PRH1: variants seen among roughly 807,000 people sequenced by gnomAD.
The protein encoded by PRH1 is proline rich protein HaeIII subfamily 1, also known as salivary acidic proline-rich phosphoprotein 1/2.
Under a neutral mutation model 7.9 loss-of-function variants are expected in PRH1, and 7 were observed. That is an observed-to-expected ratio of 0.89 (90% confidence interval 0.50 to 1.67). The LOEUF (loss-of-function observed/expected upper bound fraction) is 1.67. Among genes scored for constraint, PRH1 ranks in the 40% most tolerant of loss-of-function variants. The pLI is 0.00. For missense variants in PRH1, 109 were observed against 223.6 expected, an observed-to-expected ratio of 0.49 and a Z score of 3.27; for synonymous variants, 45 against 80.8, an observed-to-expected ratio of 0.56 and a Z score of 2.38.
chr12:11,073,047 C>A (rs1944145608), intron 1 of PRH1, among the ~76,000 whole-genome samples: 1 of 147,798 alleles, frequency 6.8e-6, no homozygotes, highest in South Asian at 2.1e-4. Flanking sequence ...AGAGATACAC[C>A]TGATAATATT....
intron 1 of PRH1, among the ~76,000 whole-genome samples, chr12:11,054,588 A>G (rs1484213160): frequency 6.6e-6 from 1 of 152,126 alleles, no homozygotes; most frequent in Non-Finnish European, 1.5e-5. Context: ...CATGCATGGT[A>G]TAATCTTTGA....
chr12:10,884,064 T>G, intron 1 of PRH1, 90 bp downstream of exon 1: 5 of 1,509,502 alleles, frequency 3.3e-6, no homozygotes, highest in Non-Finnish European at 4.6e-6. Flanking sequence ...TGTTTTCTCA[T>G]CCTCCTCTCT....
chr12:10,923,397 G>A (rs1950080075), intron 2 of PRH1, among the ~76,000 whole-genome samples: 1 of 152,158 alleles, frequency 6.6e-6, no homozygotes, highest in Non-Finnish European at 1.5e-5. Flanking sequence ...CCAAAGTGCT[G>A]GAATTACAGG....
At chr12:11,101,244 T>C (rs1945238346) in intron 1 of PRH1, among the ~76,000 whole-genome samples, 1 of 152,182 alleles carries the variant, frequency 6.6e-6, no homozygotes, top group East Asian at 1.9e-4. Flanking sequence ...ATCCCATCAT[T>C]TGGGAGGCTG....
intron 1 of PRH1, among the ~76,000 whole-genome samples, chr12:11,089,589 G>T (rs541279259): frequency 0.058 from 4,485 of 77,470 alleles, 208 homozygotes; most frequent in Non-Finnish European, 0.084. Context: ...TCTTGAATTT[G>T]ACTTCTAAAT....
At chr12:11,044,198 A>G (rs1942828063) in intron 1 of PRH1, among the ~76,000 whole-genome samples, 1 of 152,188 alleles carries the variant, frequency 6.6e-6, no homozygotes, top group Non-Finnish European at 1.5e-5. Flanking sequence ...GGAAAAAGAC[A>G]GTCTCTTCAA....
intron 1 of PRH1, among the ~76,000 whole-genome samples, chr12:11,024,484 G>C (rs1371726799): frequency 6.6e-6 from 1 of 152,054 alleles, no homozygotes; most frequent in East Asian, 1.9e-4. Context: ...TAAGGTATTC[G>C]ACCCTAAACT....
At chr12:11,102,810 C>T (rs1393453584) in intron 1 of PRH1, among the ~76,000 whole-genome samples, 1 of 152,122 alleles carries the variant, frequency 6.6e-6, no homozygotes, top group South Asian at 2.1e-4. Context: ...GGGCTAATAT[C>T]CAGAATCTAC....
intron 1 of PRH1, among the ~76,000 whole-genome samples, chr12:11,041,179 A>AC (rs1942690869): frequency 8.5e-6 from 1 of 117,928 alleles, no homozygotes; most frequent in South Asian, 2.3e-4. Flanking sequence ...GAAAAACAAA[A>AC]CAAAAAAAAA....
intron 1 of PRH1, among the ~76,000 whole-genome samples, chr12:11,072,515 G>T (rs147809268): frequency 7.2e-4 from 109 of 152,320 alleles, no homozygotes; most frequent in African/African-American, 2.3e-3. Flanking sequence ...CTGGCAACAA[G>T]GATTGAAAAA....
chr12:11,031,317 T>C, intron 1 of PRH1: 1 of 1,613,356 alleles, frequency 6.2e-7, no homozygotes, highest in Non-Finnish European at 8.5e-7. Context: ...GAAAAAATGA[T>C]GGGTATAAAA....
chr12:10,884,570 T>C (rs1282928075), upstream of PRH1, among the ~76,000 whole-genome samples: 1 of 152,212 alleles, frequency 6.6e-6, no homozygotes, highest in African/African-American at 2.4e-5. Flanking sequence ...AAGACTGCTA[T>C]TCTGCTTTTC....
At chr12:11,047,196 A>G, upstream of PRH1, 1 of 346,650 alleles carries the variant, frequency 2.9e-6, no homozygotes, top group Middle Eastern at 4.5e-4. Context: ...AACCTATGTC[A>G]AGAAACAAAA....
chr12:11,076,044 T>A (rs1944277145), intron 1 of PRH1, among the ~76,000 whole-genome samples: 1 of 115,486 alleles, frequency 8.7e-6, no homozygotes, highest in Non-Finnish European at 2.0e-5. Context: ...TATATATATA[T>A]CAGATGTGGA....
chr12:10,928,390 T>C (rs1681477621), intron 2 of PRH1, among the ~76,000 whole-genome samples: 2 of 152,160 alleles, frequency 1.3e-5, no homozygotes, highest in Admixed American at 6.5e-5. Context: ...ATAAAGTAGA[T>C]GATGAATTCT....
intron 1 of PRH1, chr12:11,133,469 G>C: frequency 6.2e-7 from 1 of 1,614,098 alleles, no homozygotes; most frequent in Non-Finnish European, 8.5e-7. Context: ...CATGAAGACA[G>C]GTTGCTTTTC....
chr12:11,140,642 T>C (rs1565696406), intron 1 of PRH1, among the ~76,000 whole-genome samples: 1 of 152,198 alleles, frequency 6.6e-6, no homozygotes, highest in Non-Finnish European at 1.5e-5. Flanking sequence ...ACATCCTTGC[T>C]GTAAGGTAAA....
intron 1 of PRH1, among the ~76,000 whole-genome samples, chr12:11,074,551 A>T (rs1591958758): frequency 1.6e-5 from 2 of 123,640 alleles, no homozygotes; most frequent in South Asian, 4.5e-4. Context: ...GCCCGAAGGG[A>T]CTGTCTGGTG....
downstream of PRH1, among the ~76,000 whole-genome samples, chr12:11,117,842 T>C (rs1195037787): frequency 1.3e-5 from 2 of 152,166 alleles, no homozygotes; most frequent in African/African-American, 4.8e-5. Flanking sequence ...CAATAAATGG[T>C]GCTGGGACAA....
Sources: allele counts gnomAD v4.1 joint callset (sites outside exome capture counted in the v4.1 genomes callset), GRCh38; gene constraint gnomAD v4.1.1; transcripts MANE v1.5; gene names NCBI Gene and HGNC (gene_info 2026-07-23, HGNC 2026-07-21).